GTF3C1: variants seen among roughly 807,000 people sequenced by gnomAD.
The protein encoded by GTF3C1 is general transcription factor IIIC subunit 1, also known as general transcription factor 3C polypeptide 1.
GTF3C1 carries 57 observed loss-of-function variants against 226.7 expected under a neutral mutation model. That is an observed-to-expected ratio of 0.25 (90% CI 0.20 to 0.31). The LOEUF (loss-of-function observed/expected upper bound fraction) is 0.31. Ranked by LOEUF, GTF3C1 falls within the 10% of genes least tolerant of loss-of-function variation. The pLI is 1.00. For missense variants in GTF3C1, 2,217 were observed against 2,776.1 expected, an observed-to-expected ratio of 0.80 and a Z score of 4.53; for synonymous variants, 1,090 against 1,084.8, an observed-to-expected ratio of 1.00 and a Z score of -0.09.
intron 26 of GTF3C1, among the ~76,000 whole-genome samples, chr16:27,481,497 C>T (rs751567354): frequency 1.3e-5 from 2 of 152,124 alleles, no homozygotes; most frequent in Non-Finnish European, 2.9e-5. Context: ...ATGACTCAAA[C>T]GTGCCCCACA....
At position 27,507,301 on chromosome 16, in the gene GTF3C1, A is replaced by C; in HGVS notation, c.1243-145T>G. On this transcript the variant is annotated intron_variant, in intron 8 of 36. Coordinates refer to ENST00000356183, the MANE Select transcript of GTF3C1 (RefSeq NM_001520.4). This position sits in a 1 kb window ranked among gnomAD's most constrained non-coding sequence, Gnocchi z 4.9. ...CTGGGCCCTGGGTTGGGCACCACTG[A>C]TGCTCCCTCCAGGCTCTTCCTCTCT... The C allele has an allele frequency of 1.6e-6, 1 of 617,412 alleles. No homozygotes were observed. The highest frequency in any genetic ancestry group is 2.8e-6 in the Non-Finnish European group (1 of 354,298). The allele number at this position is 617,412 out of a possible 1,614,324, so 38.2% of individuals were successfully genotyped here. A position where few individuals can be genotyped will look rare whatever the true frequency, so the allele number is the denominator to read the frequency against.
chr16:27,479,742 G>A (rs1410472417), intron 27 of GTF3C1, among the ~76,000 whole-genome samples: 4 of 152,126 alleles, frequency 2.6e-5, no homozygotes, highest in Non-Finnish European at 5.9e-5. Flanking sequence ...CTGCTGGGAT[G>A]ATGGGTGTTA....
rs748952188 is a variant in GTF3C1, at chr16:27,470,204, G to A, written c.4718C>T (p.Thr1573Ile). The A allele has an allele frequency of 3.7e-6, 6 of 1,613,240 alleles. No homozygotes were observed. The African/African-American group carries it at 8.0e-5, about 22-fold the overall frequency. The part of the protein sequence containing the change: ...GPGGNCVAVL[T>I]LFSLGLISVD... ...AGAAATGAGGCCCAGAGAGAAGAGG[G>A]TCAGGACGGCCACACAATTTCCTCC... is the stretch of plus-strand genomic sequence containing the variant. The change falls in exon 31 of 37, where the codon ACC (threonine) becomes ATC (isoleucine). Residue 1573 changes from threonine (T) to isoleucine (I), a missense_variant. By Grantham distance (89) the Thr-to-Ile change is moderately conservative (BLOSUM62 -1). This residue lies in a region of GTF3C1 where 546 missense variants were observed against 663.0 expected (regional missense o/e 0.82). Transcript: ENST00000356183. The surrounding 1 kb of genome is among the most constrained non-coding windows in gnomAD (Gnocchi z 4.9).
chr16:27,538,419 A>G, intron 2 of GTF3C1, 63 bp from the exon 3 acceptor site: 1 of 1,030,482 alleles, frequency 9.7e-7, no homozygotes, highest in Non-Finnish European at 1.4e-6. Flanking sequence ...AACTGAGATA[A>G]GAAAAAGAAA....
At chr16:27,502,817 G>A in intron 11 of GTF3C1, 42 bp downstream of exon 11, 1 of 1,548,266 alleles carries the variant, frequency 6.5e-7, no homozygotes, top group Non-Finnish European at 8.7e-7. Flanking sequence ...GAGGATTACT[G>A]TTAGTGCCAG....
At position 27,462,445 on chromosome 16, in the gene GTF3C1, A is replaced by C. The variant is rs772556708; in HGVS notation, c.5966T>G (p.Val1989Gly). Residue 1989 changes from valine to glycine, a missense_variant, in exon 36 of 37, where the codon GTC becomes GGC. Physicochemically the swap from Val to Gly is moderately radical, Grantham distance 109. This residue lies in a region of GTF3C1 where 153 missense variants were observed against 199.8 expected (regional missense o/e 0.77). Transcript: ENST00000356183. The surrounding 1 kb of genome is among the most constrained non-coding windows in gnomAD (Gnocchi z 4.5). ...AGGAAGGTTCAGGTGGCCATCCACG[A>C]CACGCCACGGCCGGCCGATGAAGCA... Reference protein sequence around the residue: ...SVCFIGRPWRVVDGHLNLPVC... With the variant: ...SVCFIGRPWRGVDGHLNLPVC... The C allele has an allele frequency of 1.1e-5, 18 of 1,613,676 alleles. No homozygotes were observed. Among genetic ancestry groups the C allele is most frequent in the Non-Finnish European group, 1.4e-5 (16 of 1,179,814 alleles).
intron 14 of GTF3C1, 65 bp downstream of exon 14, chr16:27,497,572 T>C: frequency 7.2e-7 from 1 of 1,380,680 alleles, no homozygotes; most frequent in Non-Finnish European, 1.0e-6. Flanking sequence ...ACCAAGTGCC[T>C]CAAACATTGT....
intron 5 of GTF3C1, among the ~76,000 whole-genome samples, chr16:27,532,178 T>C (rs1382538637): frequency 6.6e-6 from 1 of 152,152 alleles, no homozygotes; most frequent in Non-Finnish European, 1.5e-5. Context: ...TAGGTCAAAT[T>C]TATTTTTAAC....
At chr16:27,478,698 C>T in intron 27 of GTF3C1, 167 bp from the exon 28 acceptor site, 1 of 637,618 alleles carries the variant, frequency 1.6e-6, no homozygotes. Flanking sequence ...TGAGAATATA[C>T]CCTGTCCTGC....
At chr16:27,493,109 T>C in intron 17 of GTF3C1, 90 bp downstream of exon 17, 1 of 748,148 alleles carries the variant, frequency 1.3e-6, no homozygotes, top group East Asian at 2.5e-5. Flanking sequence ...TAGAAACCTT[T>C]TCCTCTTCCT....
chr16:27,483,949 C>T (rs1445393243), intron 25 of GTF3C1, among the ~76,000 whole-genome samples: 1 of 152,176 alleles, frequency 6.6e-6, no homozygotes, highest in African/African-American at 2.4e-5. Flanking sequence ...CTAGTCTCCG[C>T]TTCTTCATCC....
At chr16:27,548,998 G>A (rs934870182) in intron 1 of GTF3C1, among the ~76,000 whole-genome samples, 8 of 152,032 alleles carry the variant, frequency 5.3e-5, no homozygotes, top group Admixed American at 3.9e-4. Context: ...TACTAAAAAT[G>A]CAAAAATTAG....
chr16:27,494,822 C>T lies in GTF3C1; in HGVS notation c.2719G>A (p.Asp907Asn), dbSNP rs975423601. 18 of 1,612,010 alleles carry T rather than the reference C, an allele frequency of 1.1e-5. No homozygotes were observed. The highest frequency in any genetic ancestry group is 4.0e-5 in the African/African-American group (3 of 74,872). ...DFGFGWALVSDILLCLPLSIF... is the reference protein window; with the variant it reads ...DFGFGWALVSNILLCLPLSIF... ...GAGAGGGGAAGGCAGAGGAGGATGT[C>T]GCTGACGAGAGCCCAGCCAAAGCCG... Residue 907 changes from aspartate to asparagine, a missense_variant, in exon 16 of 37, where the codon GAC becomes AAC. By Grantham distance (23) the Asp-to-Asn change is conservative. Coordinates refer to ENST00000356183, the MANE Select transcript of GTF3C1 (RefSeq NM_001520.4).
At chr16:27,513,991 A>C (rs1202453449) in intron 6 of GTF3C1, among the ~76,000 whole-genome samples, 4 of 152,216 alleles carry the variant, frequency 2.6e-5, no homozygotes, top group African/African-American at 9.6e-5. Flanking sequence ...GGGGCAGAGC[A>C]TGTGGCTTGC....
chr16:27,502,044 G>A (rs1044904884), intron 11 of GTF3C1, among the ~76,000 whole-genome samples: 6 of 151,470 alleles, frequency 4.0e-5, no homozygotes, highest in South Asian at 4.2e-4. Context: ...GCAGTGAGCC[G>A]AGATTGCATC....
Position 27,535,969 on chromosome 16 carries a change from C to T in GTF3C1, c.752+1815G>A, listed in dbSNP as rs997287093. ...AAAGTGCCACTAGTGATGCTGGAAA[C>T]GCTCCCAAGAAGCAGAGAAAAGTCA... On this transcript the variant is annotated intron_variant, in intron 4 of 36. Transcript: ENST00000356183. Among the ~76,000 whole-genome samples, 62 of 152,126 alleles carry T rather than the reference C, an allele frequency of 4.1e-4. 1 individual carries two copies. Among genetic ancestry groups the T allele is most frequent in the African/African-American group, 8.9e-4 (37 of 41,440 alleles).
In GTF3C1 at chr16:27,492,711, C is replaced by T. The variant is rs973939070; in HGVS notation, c.2879G>A (p.Arg960His). 10 of 1,563,028 alleles carry T rather than the reference C, an allele frequency of 6.4e-6. No individual in the cohort carries two copies. Among genetic ancestry groups the T allele is most frequent in the African/African-American group, 1.4e-5 (1 of 74,016 alleles). ...GTTCTCCACCACCGAAAAAATGTAA[C>T]GCCTAGAAAACAGAGGGGGCGGGAG... ...PIRQQLLYKR[R>H]YIFSVVENLQ... is the part of the protein sequence containing the mutation. The change falls in exon 18 of 37, where the codon CGT becomes CAT. Residue 960 changes from arginine to histidine, a missense_variant and splice_region_variant. Transcript: ENST00000356183. The surrounding 1 kb of genome is among the most constrained non-coding windows in gnomAD (Gnocchi z 5.0).
At chr16:27,532,911 A>G (rs2088941935) in intron 5 of GTF3C1, among the ~76,000 whole-genome samples, 1 of 152,160 alleles carries the variant, frequency 6.6e-6, no homozygotes. Flanking sequence ...AGACAGAAGG[A>G]TACTTGAGGT....
chr16:27,519,825 G>A (rs1465353137), intron 6 of GTF3C1, among the ~76,000 whole-genome samples: 4 of 152,066 alleles, frequency 2.6e-5, no homozygotes, highest in Non-Finnish European at 5.9e-5. Flanking sequence ...AAAGAAACAA[G>A]GCTGGACATA....
Sources: allele counts gnomAD v4.1 joint callset (sites outside exome capture counted in the v4.1 genomes callset), GRCh38; gene constraint gnomAD v4.1.1; regional missense constraint gnomAD v4.1.1; non-coding constraint Gnocchi (gnomAD v3.1); transcripts MANE v1.5; gene names NCBI Gene and HGNC (gene_info 2026-07-23, HGNC 2026-07-21).